The following DMD variants were observed in gnomAD, a reference collection of about 807,000 sequenced individuals.
DMD encodes mutant dystrophin.
In DMD, 63 loss-of-function variants were observed where a neutral mutation model predicts 330.1. The observed-to-expected ratio is 0.19, with a 90% confidence interval of 0.16 to 0.24. The LOEUF (loss-of-function observed/expected upper bound fraction) is 0.24, where lower values mean the gene tolerates loss of function less well. Ranked by LOEUF, DMD falls within the 10% of genes least tolerant of loss-of-function variation. The pLI, the probability that DMD is intolerant of heterozygous loss-of-function variation, is 1.00. For missense variants in DMD, 3,344 were observed against 2,684.1 expected, an observed-to-expected ratio of 1.25 and a Z score of -5.43; for synonymous variants, 1,223 against 959.8, an observed-to-expected ratio of 1.27 and a Z score of -5.07.
chrX:32,587,333 C>T (rs1479118875), intron 13 of DMD, among the ~76,000 whole-genome samples: 2 of 111,588 alleles, frequency 1.8e-5, no homozygotes, highest in African/African-American at 6.5e-5. Flanking sequence ...AAACTATTAA[C>T]GACACTAACA....
chrX:31,653,609 G>T (rs1238367133), intron 54 of DMD, among the ~76,000 whole-genome samples: 1 of 110,766 alleles, frequency 9.0e-6, no homozygotes, highest in East Asian at 2.8e-4. Context: ...AGTGATCCTG[G>T]AACAGAAATA....
chrX:31,247,472 C>T (rs766092114), intron 63 of DMD, among the ~76,000 whole-genome samples: 3 of 109,588 alleles, frequency 2.7e-5, no homozygotes, highest in East Asian at 5.7e-4. Flanking sequence ...TAGTGGCACA[C>T]GCCTGTAGTC....
chrX:33,263,433 T>TA (rs1224053908), intron 1 of DMD, among the ~76,000 whole-genome samples: 12 of 105,204 alleles, frequency 1.1e-4, no homozygotes, highest in African/African-American at 3.6e-4. Flanking sequence ...GAGAGCTTTT[T>TA]AAAAAATATA....
chrX:32,603,405 AAGAT>A (rs750758213), intron 12 of DMD, among the ~76,000 whole-genome samples: 31 of 111,642 alleles, frequency 2.8e-4, no homozygotes, highest in African/African-American at 9.1e-4. Flanking sequence ...CTACACCAAA[AAGAT>A]AGAAAGATCT....
intron 43 of DMD, among the ~76,000 whole-genome samples, chrX:32,219,399 A>G (rs2097124662): frequency 8.9e-6 from 1 of 112,321 alleles, no homozygotes; most frequent in Non-Finnish European, 1.9e-5. Flanking sequence ...CTAAAAATCT[A>G]TGCAACATAG....
chrX:31,279,121 TA>T (rs1323111782), intron 62 of DMD, among the ~76,000 whole-genome samples: 1 of 112,124 alleles, frequency 8.9e-6, no homozygotes, highest in Non-Finnish European at 1.9e-5. Context: ...CAGCTTTCAT[TA>T]AATTCCCAGT....
At chrX:31,226,845 G>A (rs1247765932) in intron 63 of DMD, among the ~76,000 whole-genome samples, 1 of 111,528 alleles carries the variant, frequency 9.0e-6, no homozygotes, top group African/African-American at 3.3e-5. Context: ...AAAAAGAAAT[G>A]TAGAGACGTG....
intron 39 of DMD, among the ~76,000 whole-genome samples, chrX:32,344,358 A>AT (rs1176784211): frequency 8.9e-6 from 1 of 112,092 alleles, no homozygotes; most frequent in Non-Finnish European, 1.9e-5. Context: ...TTAAAAAGTT[A>AT]TTGAATATGT....
intron 2 of DMD, among the ~76,000 whole-genome samples, chrX:32,957,878 C>T (rs1282335072): frequency 9.8e-5 from 11 of 111,979 alleles, no homozygotes; most frequent in Non-Finnish European, 1.9e-5. Context: ...AAATACACAG[C>T]TGCAGAGTAA....
intron 43 of DMD, among the ~76,000 whole-genome samples, chrX:32,249,050 C>G (rs1238537064): frequency 2.7e-5 from 3 of 110,870 alleles, no homozygotes; most frequent in Non-Finnish European, 5.7e-5. Context: ...AAGGCCAATT[C>G]TTAGTTAGAC....
intron 54 of DMD, among the ~76,000 whole-genome samples, chrX:31,628,478 A>T (rs2078967713): frequency 8.9e-6 from 1 of 111,854 alleles, no homozygotes; most frequent in Admixed American, 9.5e-5. Flanking sequence ...TTTCATAGAA[A>T]CTATCATTTT....
chrX:31,490,786 T>A (rs969026980), intron 57 of DMD, among the ~76,000 whole-genome samples: 1 of 112,094 alleles, frequency 8.9e-6, no homozygotes, highest in Admixed American at 9.4e-5. Context: ...GTATCCCACG[T>A]AAGCAGGCCA....
At chrX:32,230,386 A>C (rs2147974472) in intron 43 of DMD, among the ~76,000 whole-genome samples, 1 of 111,298 alleles carries the variant, frequency 9.0e-6, no homozygotes, top group African/African-American at 3.3e-5. Flanking sequence ...CTGGGACTAC[A>C]GGCGCCCGCC....
At chrX:32,558,938 C>CTTTTTTTTTTTTTTTTTTT (rs60739281) in intron 16 of DMD, among the ~76,000 whole-genome samples, 7 of 50,826 alleles carry the variant, frequency 1.4e-4, no homozygotes, top group African/African-American at 6.2e-4. Flanking sequence ...TTCAAATTTT[C>CTTTTTTTTTTTTTTTTTTT]TTTTTTTTTT....
At chrX:32,072,912 A>T (rs1321547096) in intron 44 of DMD, among the ~76,000 whole-genome samples, 1 of 111,917 alleles carries the variant, frequency 8.9e-6, no homozygotes, top group Admixed American at 9.5e-5. Context: ...GGACAGACAT[A>T]GCCTGCGATG....
At chrX:31,501,422 A>T (rs1373759402) in intron 56 of DMD, among the ~76,000 whole-genome samples, 5 of 112,555 alleles carry the variant, frequency 4.4e-5, no homozygotes, top group Admixed American at 1.9e-4. Flanking sequence ...TCAAAGGGGC[A>T]TGCTTAGCTT....
intron 1 of DMD, among the ~76,000 whole-genome samples, chrX:33,047,857 C>A (rs1191605540): frequency 8.9e-6 from 1 of 112,088 alleles, no homozygotes; most frequent in Non-Finnish European, 1.9e-5. Context: ...ATGAATCTTG[C>A]AATTCTCTGT....
At chrX:31,819,594 T>C (rs2092709727) in intron 50 of DMD, among the ~76,000 whole-genome samples, 1 of 112,895 alleles carries the variant, frequency 8.9e-6, no homozygotes, top group Non-Finnish European at 1.9e-5. Context: ...GGATCAGGAA[T>C]ACAAGGGCCA....
At chrX:31,690,956 C>A (rs756998425) in intron 52 of DMD, among the ~76,000 whole-genome samples, 37 of 108,907 alleles carry the variant, frequency 3.4e-4, no homozygotes, top group African/African-American at 1.2e-3. Flanking sequence ...CATCACACAC[C>A]GGGGCCTGTC....
Sources: gnomAD v4.1 joint callset for allele counts (sites outside exome capture counted in the v4.1 genomes callset) on GRCh38, gnomAD v4.1.1 for gene constraint, MANE v1.5 for transcripts, NCBI Gene and HGNC (gene_info 2026-07-23, HGNC 2026-07-21) for gene names.